Variants in TTLL9 observed in about 807,000 individuals in gnomAD.
The protein encoded by TTLL9 is tubulin tyrosine ligase like 9.
In TTLL9, 47 loss-of-function variants were observed where a neutral mutation model predicts 65.6. That is an observed-to-expected ratio of 0.72 (90% CI 0.57 to 0.91). The LOEUF (loss-of-function observed/expected upper bound fraction) is 0.91. Ranked by LOEUF, TTLL9 falls within the 40% of genes least tolerant of loss-of-function variation. The probability of loss-of-function intolerance (pLI) is 0.00; values close to 1 mark genes in which losing one functional copy is unlikely to be tolerated. For synonymous variants in TTLL9, 179 were observed against 204.8 expected (o/e 0.87, Z 1.07); for missense variants, 537 against 568.8 (o/e 0.94, Z 0.57).
In TTLL9 at chr20:31,919,863, G is replaced by C; in HGVS notation, c.505-1G>C. On this transcript the variant is annotated splice_acceptor_variant, in intron 6 of 14. Coordinates refer to ENST00000535842, the MANE Select transcript of TTLL9 (RefSeq NM_001008409.5). LOFTEE classifies it high-confidence loss of function. ...GGCTTTCTGCCCCCATCCCACCCCAGGTAGCCCGGTCTCAAGGGAAAGGCA... is the reference window on the plus strand; with the variant it reads ...GGCTTTCTGCCCCCATCCCACCCCACGTAGCCCGGTCTCAAGGGAAAGGCA... 6.3e-7 allele frequency: 1 copy of C among 1,588,430 alleles called. No individual in the cohort carries two copies. Among genetic ancestry groups the C allele is most frequent in the Non-Finnish European group, 8.6e-7 (1 of 1,168,046 alleles).
At chr20:31,928,545 C>T (rs1327100695) in intron 10 of TTLL9, among the ~76,000 whole-genome samples, 1 of 150,940 alleles carries the variant, frequency 6.6e-6, no homozygotes, top group Non-Finnish European at 1.5e-5. Flanking sequence ...TATATATTTG[C>T]ATATAGTATA....
chr20:31,888,929 A>G (rs1460665843), intron 3 of TTLL9, among the ~76,000 whole-genome samples: 1 of 151,772 alleles, frequency 6.6e-6, no homozygotes, highest in Non-Finnish European at 1.5e-5. Context: ...GGATCCAACC[A>G]CCTCCCACCA....
chr20:31,899,917 C>T (rs971148578), intron 4 of TTLL9, among the ~76,000 whole-genome samples: 23 of 152,044 alleles, frequency 1.5e-4, no homozygotes, highest in African/African-American at 4.3e-4. Context: ...CCCGCCACCA[C>T]GACCAGCTAA....
chr20:31,885,461 C>T (rs1292306045), intron 2 of TTLL9, among the ~76,000 whole-genome samples: 1 of 152,094 alleles, frequency 6.6e-6, no homozygotes, highest in Non-Finnish European at 1.5e-5. Context: ...ACCAAAGGCT[C>T]TGGAGCAACT....
intron 2 of TTLL9, among the ~76,000 whole-genome samples, chr20:31,883,675 TTAAATGAATTATA>T (rs984467140): frequency 6.6e-6 from 1 of 152,104 alleles, no homozygotes; most frequent in Admixed American, 6.6e-5. Context: ...AAAAGATGTT[TTAAATGAATTATA>T]TAATTGCATA....
In TTLL9 at chr20:31,909,744, G is replaced by A. The variant is rs373817649; in HGVS notation, c.326G>A (p.Arg109Gln). The change falls in exon 6 of 15, where the codon CGG becomes CAG. Residue 109 changes from arginine to glutamine, a missense_variant. Around this residue, in one of 3 missense-constraint regions of TTLL9, gnomAD observed 320 missense variants for 311.0 expected, o/e 1.03. Coordinates refer to ENST00000535842, the MANE Select transcript of TTLL9 (RefSeq NM_001008409.5). ...GTCCTTCCCGCCACCCAGCTGACCC[G>A]GAAGAACTACATGGTGAAGAACCTG... ...SHFRNHYELT[R>Q]KNYMVKNLKR... 1.6e-4 allele frequency: 254 copies of A among 1,613,522 alleles called. No individual in the cohort carries two copies. Among genetic ancestry groups the A allele is most frequent in the East Asian group, 2.9e-4 (13 of 44,878 alleles).
chr20:31,872,783 G>A (rs114467777), intron 2 of TTLL9, among the ~76,000 whole-genome samples: 1,931 of 152,316 alleles, frequency 0.013, 49 homozygotes, highest in African/African-American at 0.045. Context: ...CCTATGATGG[G>A]AATAGCTTGG....
At chr20:31,890,771 AC>A (rs1444473232) in intron 3 of TTLL9, among the ~76,000 whole-genome samples, 1 of 152,120 alleles carries the variant, frequency 6.6e-6, no homozygotes, top group Non-Finnish European at 1.5e-5. Flanking sequence ...TTATCCACCA[AC>A]TCCAGTCGTC....
chr20:31,942,507 GC>G (rs2064227540), intron 14 of TTLL9, among the ~76,000 whole-genome samples: 1 of 152,212 alleles, frequency 6.6e-6, no homozygotes, highest in South Asian at 2.1e-4. Flanking sequence ...TTTTCACTGA[GC>G]AAAGCCAGGA....
intron 4 of TTLL9, among the ~76,000 whole-genome samples, chr20:31,902,118 TCC>T (rs1272897708): frequency 6.7e-6 from 1 of 150,090 alleles, no homozygotes; most frequent in Non-Finnish European, 1.5e-5. Flanking sequence ...ACTTTTTTTT[TCC>T]CCCACATACC....
chr20:31,922,865 G>T lies in TTLL9; in HGVS notation c.574-98G>T, dbSNP rs969780835. The T allele has an allele frequency of 1.5e-5, 14 of 933,022 alleles. No homozygotes were observed. The African/African-American group carries it at 2.3e-4, about 16-fold the overall frequency. 57.8% of individuals were successfully genotyped at this position (933,022 alleles called of 1,614,324 possible). On this transcript the variant is annotated intron_variant, in intron 7 of 14. Coordinates refer to ENST00000535842, the MANE Select transcript of TTLL9 (RefSeq NM_001008409.5). ...ACTTACCTGACAGGGTTGATTTAAA[G>T]ATTCAGTGAGCTACCCAAAGTAGTG... is the stretch of plus-strand genomic sequence containing the variant.
chr20:31,877,501 T>C (rs1401669052), intron 2 of TTLL9, among the ~76,000 whole-genome samples: 1 of 152,244 alleles, frequency 6.6e-6, no homozygotes, highest in Non-Finnish European at 1.5e-5. Context: ...TAGTGCTTTA[T>C]TATTATTGTT....
At chr20:31,881,043 G>A (rs2123388241) in intron 2 of TTLL9, among the ~76,000 whole-genome samples, 1 of 151,606 alleles carries the variant, frequency 6.6e-6, no homozygotes. Flanking sequence ...AGAGACAGAG[G>A]AGTCTCTATG....
chr20:31,890,605 G>A (rs1476336238), intron 3 of TTLL9, among the ~76,000 whole-genome samples: 4 of 152,206 alleles, frequency 2.6e-5, no homozygotes, highest in African/African-American at 9.6e-5. Flanking sequence ...ACAGGGAAGT[G>A]GGGAAATAAG....
intron 10 of TTLL9, among the ~76,000 whole-genome samples, chr20:31,933,555 A>AAAAATCC (rs2064055260): frequency 6.6e-6 from 1 of 152,196 alleles, no homozygotes; most frequent in South Asian, 2.1e-4. Context: ...ATATACTGCT[A>AAAAATCC]TGTACCCCCA....
At chr20:31,892,181 T>G (rs1030097257) in intron 3 of TTLL9, among the ~76,000 whole-genome samples, 4 of 150,984 alleles carry the variant, frequency 2.6e-5, no homozygotes, top group African/African-American at 9.7e-5. Flanking sequence ...GCATAAACTT[T>G]CTTTTTTTTT....
chr20:31,877,413 G>A (rs760639486), intron 2 of TTLL9, among the ~76,000 whole-genome samples: 1 of 152,192 alleles, frequency 6.6e-6, no homozygotes, highest in Non-Finnish European at 1.5e-5. Flanking sequence ...GATTACAGGC[G>A]TGAGCCACCG....
At chr20:31,931,886 G>C (rs919075418) in intron 10 of TTLL9, among the ~76,000 whole-genome samples, 1 of 152,084 alleles carries the variant, frequency 6.6e-6, no homozygotes, top group Non-Finnish European at 1.5e-5. Flanking sequence ...TTTTAATTCT[G>C]ATAAAGTTGA....
intron 4 of TTLL9, among the ~76,000 whole-genome samples, chr20:31,902,410 T>C (rs1432140373): frequency 1.3e-5 from 2 of 152,258 alleles, no homozygotes; most frequent in East Asian, 1.9e-4. Context: ...AGATGGAGTC[T>C]CGCTGTGTCG....
Sources: gnomAD v4.1 joint callset for allele counts (sites outside exome capture counted in the v4.1 genomes callset) on GRCh38, gnomAD v4.1.1 for gene constraint, gnomAD v4.1.1 regional missense constraint, MANE v1.5 for transcripts, NCBI Gene and HGNC (gene_info 2026-07-23, HGNC 2026-07-21) for gene names.